FAM117B: variants seen among roughly 807,000 people sequenced by gnomAD.
The protein encoded by FAM117B is protein FAM117B.
Under a neutral mutation model 52.8 loss-of-function variants are expected in FAM117B, and 22 were observed. The ratio of observed to expected loss-of-function variants is 0.42; its 90% CI spans 0.30 to 0.59. The LOEUF is 0.59. Among genes scored for constraint, FAM117B ranks in the 20% least tolerant of loss-of-function variants. The probability of loss-of-function intolerance (pLI) is 0.22; values close to 1 mark genes in which losing one functional copy is unlikely to be tolerated. For synonymous variants in FAM117B, 309 were observed against 324.1 expected (o/e 0.95, Z 0.50); for missense variants, 678 against 802.6 (o/e 0.84, Z 1.88).
At chr2:202,763,463 TTTCTACAAGAAGTTTTTCA>T (rs2105802015) in intron 7 of FAM117B, among the ~76,000 whole-genome samples, 1 of 152,278 alleles carries the variant, frequency 6.6e-6, no homozygotes, top group South Asian at 2.1e-4. Flanking sequence ...GCCTTTTCAT[TTTCTACAAGAAGTTTTTCA>T]TTCTACAAGA....
intron 2 of FAM117B, among the ~76,000 whole-genome samples, chr2:202,718,629 A>T (rs1443195891): frequency 6.6e-6 from 1 of 152,146 alleles, no homozygotes; most frequent in African/African-American, 2.4e-5. Flanking sequence ...GGATCTTTGC[A>T]TCTATATTTG....
intron 1 of FAM117B, among the ~76,000 whole-genome samples, chr2:202,664,686 G>T (rs1690175916): frequency 6.6e-6 from 1 of 152,124 alleles, no homozygotes. Context: ...TATCATGCAT[G>T]ACTTACCTTG....
At chr2:202,740,359 CA>C (rs769846441) in intron 4 of FAM117B, among the ~76,000 whole-genome samples, 1,540 of 65,560 alleles carry the variant, frequency 0.023, 13 homozygotes, top group East Asian at 0.11. Context: ...GACTCTGCCT[CA>C]AAAAAAAAAA....
At chr2:202,683,109 C>T (rs749212890) in intron 1 of FAM117B, among the ~76,000 whole-genome samples, 2 of 152,146 alleles carry the variant, frequency 1.3e-5, no homozygotes, top group Non-Finnish European at 2.9e-5. Flanking sequence ...GGGCAGATCA[C>T]CTGAGGTCAG....
chr2:202,734,422 A>G lies in FAM117B; in HGVS notation c.960+8059A>G, dbSNP rs116791835. On this transcript the variant is annotated intron_variant, in intron 4 of 7. Transcript: ENST00000392238. ...AAATGAGTGAATTGTATGGTATTAT[A>G]CATTATATTCTAGTAAAGCTTTTAA... 8.9e-3 allele frequency among the ~76,000 whole-genome samples: 1,349 copies of G among 152,340 alleles called. 21 individuals carry two copies. The highest frequency in any genetic ancestry group is 0.03 in the African/African-American group (1,255 of 41,580).
intron 1 of FAM117B, among the ~76,000 whole-genome samples, chr2:202,692,231 T>C (rs1466783014): frequency 6.6e-6 from 1 of 152,194 alleles, no homozygotes; most frequent in Non-Finnish European, 1.5e-5. Context: ...TATAATATTA[T>C]GAATATATCT....
intron 5 of FAM117B, among the ~76,000 whole-genome samples, 170 bp downstream of exon 5, chr2:202,755,851 G>A (rs1691792943): frequency 1.3e-5 from 2 of 152,094 alleles, no homozygotes; most frequent in Admixed American, 1.3e-4. Flanking sequence ...TTTTCATTTT[G>A]TTGCATGTCA....
At chr2:202,650,175 G>A (rs1656684733) in intron 1 of FAM117B, among the ~76,000 whole-genome samples, 1 of 152,080 alleles carries the variant, frequency 6.6e-6, no homozygotes, top group Non-Finnish European at 1.5e-5. Context: ...TTTGAAAATA[G>A]GGTGGTTCTA....
At chr2:202,733,813 A>G (rs1473376538) in intron 4 of FAM117B, among the ~76,000 whole-genome samples, 1 of 152,202 alleles carries the variant, frequency 6.6e-6, no homozygotes, top group Non-Finnish European at 1.5e-5. Flanking sequence ...AATTTGTACA[A>G]TAGTGTTCCT....
At chr2:202,687,817 C>T (rs987315093) in intron 1 of FAM117B, among the ~76,000 whole-genome samples, 6 of 152,076 alleles carry the variant, frequency 3.9e-5, no homozygotes, top group Non-Finnish European at 8.8e-5. Flanking sequence ...GATACTATGC[C>T]TATGGGAAAT....
intron 2 of FAM117B, among the ~76,000 whole-genome samples, 197 bp downstream of exon 2, chr2:202,696,229 A>C (rs1373507922): frequency 6.6e-6 from 1 of 152,224 alleles, no homozygotes; most frequent in Non-Finnish European, 1.5e-5. Context: ...GGGAATGTGC[A>C]TTTTAAATAG....
chr2:202,682,586 C>T (rs1011500979), intron 1 of FAM117B, among the ~76,000 whole-genome samples: 8 of 152,184 alleles, frequency 5.3e-5, no homozygotes, highest in African/African-American at 1.9e-4. Context: ...AAATATCCCG[C>T]TTCAACAGCA....
In FAM117B at chr2:202,703,095, A is replaced by G. The variant is rs141883110; in HGVS notation, c.753+7063A>G. On this transcript the variant is annotated intron_variant, in intron 2 of 7. Coordinates refer to ENST00000392238, the MANE Select transcript of FAM117B (RefSeq NM_173511.4). ...TTTAGTGGCATTAATTACATTCACA[A>G]TGTTGTGCAACCATTGCTAACTATT... Among the ~76,000 whole-genome samples, 509 of 152,302 alleles carry G rather than the reference A, an allele frequency of 3.3e-3. 4 individuals carry two copies. The highest frequency in any genetic ancestry group is 0.011 in the African/African-American group (466 of 41,584).
chr2:202,739,126 T>C (rs1691484737), intron 4 of FAM117B, among the ~76,000 whole-genome samples: 1 of 152,006 alleles, frequency 6.6e-6, no homozygotes, highest in African/African-American at 2.4e-5. Flanking sequence ...GAGGTGGAGG[T>C]TGCAGTGAGC....
chr2:202,655,761 A>AGAGAGAGAGAGT (rs1690046684), intron 1 of FAM117B, among the ~76,000 whole-genome samples: 3 of 100,462 alleles, frequency 3.0e-5, no homozygotes, highest in Admixed American at 1.1e-4. Context: ...AGAGAGAGAG[A>AGAGAGAGAGAGT]GTGTGTGTGT....
At chr2:202,687,640 G>GTGA (rs1690564278) in intron 1 of FAM117B, among the ~76,000 whole-genome samples, 1 of 152,094 alleles carries the variant, frequency 6.6e-6, no homozygotes, top group Non-Finnish European at 1.5e-5. Context: ...CAAACTCCTA[G>GTGA]CCACAAGTGA....
intron 2 of FAM117B, among the ~76,000 whole-genome samples, chr2:202,700,963 G>A (rs1296871230): frequency 6.6e-6 from 1 of 152,206 alleles, no homozygotes; most frequent in East Asian, 1.9e-4. Context: ...GCCTCCCAAA[G>A]TGTTGGGATC....
At chr2:202,740,693 A>T (rs1007146307) in intron 4 of FAM117B, among the ~76,000 whole-genome samples, 10 of 152,158 alleles carry the variant, frequency 6.6e-5, no homozygotes, top group African/African-American at 1.2e-4. Flanking sequence ...CATATATGAC[A>T]TTCTTTTACC....
chr2:202,646,831 T>G (rs1689874825), intron 1 of FAM117B, among the ~76,000 whole-genome samples: 1 of 152,046 alleles, frequency 6.6e-6, no homozygotes, highest in South Asian at 2.1e-4. Flanking sequence ...CTGTATGATT[T>G]TTTTTTACCT....
Sources: gnomAD v4.1 joint callset for allele counts (sites outside exome capture counted in the v4.1 genomes callset) on GRCh38, gnomAD v4.1.1 for gene constraint, MANE v1.5 for transcripts, NCBI Gene and HGNC (gene_info 2026-07-23, HGNC 2026-07-21) for gene names.